Variants in LAMB1 observed in about 807,000 individuals in gnomAD.
LAMB1 encodes the protein laminin subunit beta 1, also known as laminin subunit beta-1.
LAMB1 carries 121 observed loss-of-function variants against 222.3 expected under a neutral mutation model. The observed-to-expected ratio is 0.54, with a 90% CI of 0.47 to 0.63. The LOEUF is 0.63. Among genes scored for constraint, LAMB1 ranks in the 30% least tolerant of loss-of-function variants. The pLI is 0.00. For synonymous variants in LAMB1, 794 were observed against 807.2 expected (o/e 0.98, Z 0.28); for missense variants, 2,172 against 2,240.8 (o/e 0.97, Z 0.62).
rs932514089 is a variant in LAMB1, at chr7:107,964,672, T to G, written c.1578A>C (p.Ser526=). 2 of 1,614,132 alleles carry G rather than the reference T, an allele frequency of 1.2e-6. No individual in the cohort carries two copies. The highest frequency in any genetic ancestry group is 1.7e-6 in the Non-Finnish European group (2 of 1,179,998). Residue 526 remains serine (S), a synonymous_variant, in exon 14 of 34, where the codon TCA becomes TCC. Coordinates refer to ENST00000222399, the MANE Select transcript of LAMB1 (RefSeq NM_002291.3). ...GALNNSCFAE[S]GQCSCRPHMI... is the part of the protein sequence containing the mutation. Reference sequence around the variant, plus strand: ...TGTGAGGCCGGCATGAGCACTGGCCTGACTCCGCAAAGCAACTGGAAGGGA... The same window carrying G: ...TGTGAGGCCGGCATGAGCACTGGCCGGACTCCGCAAAGCAACTGGAAGGGA...
chr7:107,964,782 G>C, intron 13 of LAMB1, 95 bp from the exon 14 acceptor site: 1 of 1,331,484 alleles, frequency 7.5e-7, no homozygotes, highest in Non-Finnish European at 1.0e-6. Context: ...CAGTACACAG[G>C]ACCAAATACA....
chr7:107,998,473 AT>A lies in LAMB1; in HGVS notation c.232del (p.Ile78TyrfsTer12). On this transcript the variant is annotated frameshift_variant, in exon 4 of 34. Coordinates refer to ENST00000222399, the MANE Select transcript of LAMB1 (RefSeq NM_002291.3). LOFTEE classifies it high-confidence loss of function. Reference protein sequence around the residue: ...SHLQEDKKCFICNSQDPYHET... With the variant: ...SHLQEDKKCFXCNSQDPYHET... ...ATGATAAGGATCTTGGGAATTGCAT[AT>A]GAAGCATTTTTTGTCCTCCTACAAA... 1 of 1,613,884 alleles carries A rather than the reference AT, an allele frequency of 6.2e-7. No homozygotes were observed. The highest frequency in any genetic ancestry group is 1.1e-5 in the South Asian group (1 of 90,990).
At chr7:108,001,308 A>G (rs947641647) in intron 3 of LAMB1, among the ~76,000 whole-genome samples, 1 of 152,258 alleles carries the variant, frequency 6.6e-6, no homozygotes, top group Non-Finnish European at 1.5e-5. Context: ...GCTCTGGGTC[A>G]GGGCAGCCAG....
At chr7:107,949,695 G>A (rs1442642400) in intron 24 of LAMB1, among the ~76,000 whole-genome samples, 1 of 152,202 alleles carries the variant, frequency 6.6e-6, no homozygotes. Context: ...CTTAATCTAA[G>A]AGGTCCATAC....
intron 13 of LAMB1, among the ~76,000 whole-genome samples, chr7:107,966,774 G>A (rs1317043489): frequency 2.6e-5 from 4 of 152,216 alleles, no homozygotes; most frequent in African/African-American, 9.6e-5. Flanking sequence ...AAATGAAGGT[G>A]AGGACAAAGG....
chr7:107,971,456 T>C (rs1289998381), intron 13 of LAMB1, among the ~76,000 whole-genome samples: 3 of 152,210 alleles, frequency 2.0e-5, no homozygotes, highest in Admixed American at 2.0e-4. Context: ...AGTGCTTCAG[T>C]TGACCCTGCC....
intron 4 of LAMB1, 103 bp downstream of exon 4, chr7:107,998,254 G>T: frequency 1.7e-6 from 2 of 1,167,764 alleles, no homozygotes; most frequent in Non-Finnish European, 1.2e-6. Flanking sequence ...CATAATTACA[G>T]GACAGAGAAG....
intron 13 of LAMB1, among the ~76,000 whole-genome samples, chr7:107,970,500 A>AG (rs1170052970): frequency 2.7e-4 from 35 of 130,150 alleles, no homozygotes; most frequent in African/African-American, 1.0e-3. Flanking sequence ...AAAAAAAAAA[A>AG]AAAAAGGGGG....
chr7:107,964,756 T>G, intron 13 of LAMB1, 69 bp from the exon 14 acceptor site: 49 of 1,563,228 alleles, frequency 3.1e-5, no homozygotes, highest in Non-Finnish European at 3.9e-5. Flanking sequence ...GAAGCAGCTC[T>G]ACAGCTGCCA....
intron 8 of LAMB1, 123 bp from the exon 9 acceptor site, chr7:107,978,290 G>C (rs899574388): frequency 5.9e-5 from 63 of 1,068,784 alleles, no homozygotes; most frequent in Non-Finnish European, 1.3e-5. Context: ...CACAGAAAAG[G>C]GTTGTTTGGT....
intron 21 of LAMB1, 57 bp from the exon 22 acceptor site, chr7:107,953,811 A>G: frequency 6.8e-7 from 1 of 1,462,768 alleles, no homozygotes; most frequent in Non-Finnish European, 9.6e-7. Flanking sequence ...AAAGCTCACC[A>G]GTGCACCGAC....
Position 107,998,471 on chromosome 7 carries a change from A to T in LAMB1, c.235T>A (p.Cys79Ser). ...TCATGATAAGGATCTTGGGAATTGC[A>T]TATGAAGCATTTTTTGTCCTCCTAC... ...HLQEDKKCFI[C>S]NSQDPYHETL... Residue 79 changes from cysteine to serine, a missense_variant, in exon 4 of 34, where the codon TGC becomes AGC. Cys to Ser is a moderately radical substitution (Grantham distance 112, BLOSUM62 -1). Coordinates refer to ENST00000222399, the MANE Select transcript of LAMB1 (RefSeq NM_002291.3). 1 of 1,613,888 alleles carries T rather than the reference A, an allele frequency of 6.2e-7. No individual in the cohort carries two copies.
rs1318812945 is a variant in LAMB1, at chr7:108,002,917, G to C, written c.-32C>G. On this transcript the variant is annotated 5_prime_UTR_variant, in exon 2 of 34. Coordinates refer to ENST00000222399, the MANE Select transcript of LAMB1 (RefSeq NM_002291.3). ...TCCCTGCAGCCACGGGGACGCGGCA[G>C]AGGAGTGGAGAAGACGCCCGCCGAG... The C allele has an allele frequency of 6.2e-7, 1 of 1,612,856 alleles. No homozygotes were observed. The highest frequency in any genetic ancestry group is 8.5e-7 in the Non-Finnish European group (1 of 1,179,724).
At chr7:107,936,242 A>T (rs2116340846) in intron 26 of LAMB1, 1 of 152,382 alleles carries the variant, frequency 6.6e-6, no homozygotes, top group African/African-American at 2.4e-5. Context: ...ACTGAAGGGA[A>T]AAAAAGAAAA....
chr7:107,959,666 A>G (rs1440041656), intron 19 of LAMB1, 25 bp downstream of exon 19: 4 of 1,614,232 alleles, frequency 2.5e-6, no homozygotes, highest in Non-Finnish European at 2.5e-6. Flanking sequence ...GAATGAATGC[A>G]TAACAATGCT....
At chr7:107,981,821 G>C (rs929226346) in intron 7 of LAMB1, among the ~76,000 whole-genome samples, 2 of 152,028 alleles carry the variant, frequency 1.3e-5, no homozygotes. Flanking sequence ...TTTTTGGAAG[G>C]GAAAATTTGA....
chr7:107,950,018 T>A (rs2237695), intron 24 of LAMB1, among the ~76,000 whole-genome samples: 43,813 of 151,968 alleles, frequency 0.29, 7,496 homozygotes, highest in Non-Finnish European at 0.38. Flanking sequence ...AATCATGAGG[T>A]CAGGAGTTTG....
chr7:107,954,555 A>T (rs754233944), intron 21 of LAMB1, among the ~76,000 whole-genome samples: 2 of 152,100 alleles, frequency 1.3e-5, no homozygotes, highest in Non-Finnish European at 2.9e-5. Flanking sequence ...TGGGTGGATC[A>T]CGAAGTCAGG....
intron 20 of LAMB1, among the ~76,000 whole-genome samples, chr7:107,957,284 G>C (rs1453385100): frequency 2.6e-5 from 4 of 152,172 alleles, no homozygotes; most frequent in Admixed American, 2.6e-4. Context: ...CCAGCTACTT[G>C]GGAGGCTGAG....
Sources: gnomAD v4.1 joint callset for allele counts (sites outside exome capture counted in the v4.1 genomes callset) on GRCh38, gnomAD v4.1.1 for gene constraint, MANE v1.5 for transcripts, NCBI Gene and HGNC (gene_info 2026-07-23, HGNC 2026-07-21) for gene names.